Variants in PBRM1 observed in about 807,000 individuals in gnomAD.
PBRM1 encodes the protein protein polybromo-1.
In PBRM1, 27 loss-of-function variants were observed where a neutral mutation model predicts 194.5. That is an observed-to-expected ratio of 0.14 (90% confidence interval 0.10 to 0.19). The LOEUF is 0.19. PBRM1 is among the 10% of genes least tolerant of loss of function. The pLI is 1.00. For synonymous variants in PBRM1, 655 were observed against 693.2 expected, an observed-to-expected ratio of 0.94 and a Z score of 0.87; for missense variants, 1,466 against 2,077.2, an observed-to-expected ratio of 0.71 and a Z score of 5.72.
Position 52,643,276 on chromosome 3 carries a change from C to A in PBRM1, c.967G>T (p.Glu323Ter). The change falls in exon 9 of 30, where the codon GAG becomes TAG. Residue 323 changes from glutamate (E) to a stop codon, truncating the protein, a stop_gained. Transcript: ENST00000296302. LOFTEE classifies it high-confidence loss of function. Reference sequence around the variant, plus strand: ...TAATACTTGCTAGTGGGATTTCTCTCTTCACCAAGGCTGCCTTTACTGTGT... The same window carrying A: ...TAATACTTGCTAGTGGGATTTCTCTATTCACCAAGGCTGCCTTTACTGTGT... The A allele has an allele frequency of 1.2e-6, 2 of 1,613,768 alleles. No individual in the cohort carries two copies. Among genetic ancestry groups the A allele is most frequent in the Non-Finnish European group, 8.5e-7 (1 of 1,179,664 alleles).
Position 52,561,972 on chromosome 3 carries a change from T to G in PBRM1, c.4087-4A>C. 1 of 1,611,532 alleles carries G rather than the reference T, an allele frequency of 6.2e-7. No individual in the cohort carries two copies. The highest frequency in any genetic ancestry group is 8.5e-7 in the Non-Finnish European group (1 of 1,177,680). On this transcript the variant is annotated splice_region_variant and splice_polypyrimidine_tract_variant and intron_variant, in intron 24 of 29. Transcript: ENST00000296302. Reference sequence around the variant, plus strand: ...CTTTGGCAGACTTTGGGGTAGACTGTAAGACAGAAAGGTCTTATGGTGCAT... The same window carrying G: ...CTTTGGCAGACTTTGGGGTAGACTGGAAGACAGAAAGGTCTTATGGTGCAT...
At chr3:52,681,983 A>G (rs915160916), upstream of PBRM1, 1 of 158,110 alleles carries the variant, frequency 6.3e-6, no homozygotes, top group African/African-American at 2.4e-5. Flanking sequence ...CCTATCAAAC[A>G]AACTGCTGCA....
intron 8 of PBRM1, among the ~76,000 whole-genome samples, chr3:52,643,766 TCAAGACCAGCCTGGC>T (rs1325646544): frequency 1.3e-5 from 2 of 152,132 alleles, no homozygotes; most frequent in Non-Finnish European, 2.9e-5. Context: ...GGTCAGGAGT[TCAAGACCAGCCTGGC>T]CAACATAGTG....
intron 2 of PBRM1, among the ~76,000 whole-genome samples, chr3:52,673,992 A>T (rs1166794199): frequency 6.6e-6 from 1 of 151,696 alleles, no homozygotes; most frequent in Non-Finnish European, 1.5e-5. Context: ...CAGAGGCTGC[A>T]ATAAGCCATG....
At chr3:52,603,848 G>T (rs985290750) in intron 16 of PBRM1, 116 bp from the exon 19 acceptor site, 3 of 890,470 alleles carry the variant, frequency 3.4e-6, no homozygotes, top group Non-Finnish European at 5.0e-6. Context: ...TTTCTGTACA[G>T]GTCTATGAAG....
At chr3:52,591,817 C>CTTTT (rs34822595) in intron 17 of PBRM1, among the ~76,000 whole-genome samples, 5 of 94,954 alleles carry the variant, frequency 5.3e-5, no homozygotes, top group Non-Finnish European at 1.0e-4. Context: ...TGCGCCCGGC[C>CTTTT]TTTTTTTTTT....
rs1319870435 is a variant in PBRM1 at position 52,587,619 on chromosome 3, A to G, written c.2966-109T>C. 4 of 819,498 alleles carry G rather than the reference A, an allele frequency of 4.9e-6. No homozygotes were observed. The South Asian group carries it at 7.9e-5, about 16-fold the overall frequency. The allele number at this position is 819,498 out of a possible 1,614,324, so 50.8% of individuals were successfully genotyped here. A position where few individuals can be genotyped will look rare whatever the true frequency, so the allele number is the denominator to read the frequency against. ...GAGACTGGGTCTCACTACGTTGCCC[A>G]GGCTGGACTTGAATTCCTGGGCCAA... On this transcript the variant is annotated intron_variant, in intron 18 of 29. Transcript: ENST00000296302.
chr3:52,647,448 AAAAAAAAAAATATATATATATATATAT>A (rs2096337266), intron 7 of PBRM1, among the ~76,000 whole-genome samples: 1 of 82,456 alleles, frequency 1.2e-5, no homozygotes, highest in Non-Finnish European at 2.5e-5. Context: ...AAAAAAAAAA[AAAAAAAAAAATATATATATATATATAT>A]ATATATATAT....
exon 3 of PBRM1, chr3:52,668,532 T>C: frequency 6.2e-7 from 1 of 1,606,010 alleles, no homozygotes; most frequent in Non-Finnish European, 8.5e-7. Flanking sequence ...AAAAAGAAGC[T>C]GGAAGTCAGC....
intron 15 of PBRM1, among the ~76,000 whole-genome samples, chr3:52,613,625 C>T (rs1455256187): frequency 1.3e-5 from 2 of 151,888 alleles, no homozygotes; most frequent in South Asian, 2.1e-4. Context: ...ATTACAGGAG[C>T]GAGTCACCAC....
intron 14 of PBRM1, 129 bp downstream of exon 16, chr3:52,617,133 C>A: frequency 1.5e-6 from 1 of 665,992 alleles, no homozygotes; most frequent in South Asian, 2.3e-5. Flanking sequence ...GAAGAAAAAT[C>A]AATTAACCTA....
chr3:52,603,835 G>A, intron 16 of PBRM1, 103 bp from the exon 19 acceptor site: 1 of 996,834 alleles, frequency 1.0e-6, no homozygotes, highest in Non-Finnish European at 1.5e-6. Flanking sequence ...TGATATAGTG[G>A]TATTTCTGTA....
chr3:52,612,342 G>A (rs1300847941), intron 15 of PBRM1, among the ~76,000 whole-genome samples: 3 of 148,884 alleles, frequency 2.0e-5, no homozygotes, highest in Admixed American at 6.8e-5. Flanking sequence ...ACCAGACACT[G>A]CCTCAAGACA....
At chr3:52,581,891 C>T (rs1156745435) in intron 20 of PBRM1, among the ~76,000 whole-genome samples, 1 of 152,172 alleles carries the variant, frequency 6.6e-6, no homozygotes, top group Non-Finnish European at 1.5e-5. Flanking sequence ...CCGCCTCAGC[C>T]TCCCAAAGTG....
At chr3:52,558,393 C>T in exon 26 of PBRM1, 3 of 1,541,850 alleles carry the variant, frequency 1.9e-6, no homozygotes, top group Non-Finnish European at 2.6e-6. Flanking sequence ...TCCTGCTGCT[C>T]AGCAACTTTA....
chr3:52,612,630 G>A (rs1560365881), intron 15 of PBRM1, among the ~76,000 whole-genome samples: 1 of 151,972 alleles, frequency 6.6e-6, no homozygotes, highest in African/African-American at 2.4e-5. Context: ...TCTGCTGGGT[G>A]CGGTGGCTCA....
At chr3:52,611,864 CA>C (rs1266332297) in intron 15 of PBRM1, among the ~76,000 whole-genome samples, 8 of 151,978 alleles carry the variant, frequency 5.3e-5, no homozygotes, top group Admixed American at 3.9e-4. Flanking sequence ...ATGCAATCAG[CA>C]AAACCCAGAC....
intron 2 of PBRM1, among the ~76,000 whole-genome samples, chr3:52,670,915 G>A (rs1299987045): frequency 6.6e-6 from 1 of 152,186 alleles, no homozygotes; most frequent in Non-Finnish European, 1.5e-5. Flanking sequence ...TTATTCTCCA[G>A]CCTCACTGCA....
intron 14 of PBRM1, 40 bp downstream of exon 16, chr3:52,617,222 C>T (rs201286449): frequency 7.9e-5 from 124 of 1,573,160 alleles, no homozygotes; most frequent in East Asian, 5.4e-4. Context: ...ACCCCTCTCC[C>T]GCAAAATGTG....
Sources: gnomAD v4.1 joint callset for allele counts (sites outside exome capture counted in the v4.1 genomes callset) on GRCh38, gnomAD v4.1.1 for gene constraint, MANE v1.5 for transcripts, NCBI Gene and HGNC (gene_info 2026-07-23, HGNC 2026-07-21) for gene names.